Variants in SPATA31D1 observed in about 807,000 individuals in gnomAD.
The protein encoded by SPATA31D1 is SPATA31 subfamily D member 1, also known as spermatogenesis-associated protein 31D1.
Under a neutral mutation model 13.2 loss-of-function variants are expected in SPATA31D1, and 6 were observed. The observed-to-expected ratio is 0.46, with a 90% confidence interval of 0.25 to 0.90. The LOEUF (loss-of-function observed/expected upper bound fraction) is 0.90. SPATA31D1 is among the 40% of genes least tolerant of loss of function. The pLI, the probability that SPATA31D1 is intolerant of heterozygous loss-of-function variation, is 0.18. For synonymous variants in SPATA31D1, 903 were observed against 718.8 expected (o/e 1.26, Z -4.10); for missense variants, 2,445 against 1,884.7 (o/e 1.30, Z -5.50).
intron 2 of SPATA31D1, 32 bp downstream of exon 2, chr9:81,989,855 G>C: frequency 6.2e-7 from 1 of 1,609,862 alleles, no homozygotes. Flanking sequence ...TGAGCTTCAG[G>C]GGTGACCCTT....
intron 2 of SPATA31D1, chr9:81,990,149 C>T: frequency 1.9e-6 from 1 of 523,838 alleles, no homozygotes; most frequent in East Asian, 3.0e-5. Context: ...ACTTTGACTT[C>T]CTCAATGCTC....
Position 81,992,502 on chromosome 9 carries a change from C to G in SPATA31D1, c.2032C>G (p.Pro678Ala), listed in dbSNP as rs1824994790. 2.5e-6 allele frequency: 4 copies of G among 1,611,882 alleles called. No homozygotes were observed. The highest frequency in any genetic ancestry group is 8.5e-7 in the Non-Finnish European group (1 of 1,179,734). ...GATCTCCATCATTCCTGGAGATTTTCCACTCAGCTCTGAGGTAAGGAAGAA... is the reference window on the plus strand; with the variant it reads ...GATCTCCATCATTCCTGGAGATTTTGCACTCAGCTCTGAGGTAAGGAAGAA... ...VPISIIPGDFPLSSEVRKKLE... is the reference protein window; with the variant it reads ...VPISIIPGDFALSSEVRKKLE... The change falls in exon 4 of 4, where the codon CCA becomes GCA. Residue 678 changes from proline (P) to alanine (A), a missense_variant. Pro to Ala is a conservative substitution (Grantham distance 27). Transcript: ENST00000344803.
At chr9:81,987,849 A>C (rs1824882901), upstream of SPATA31D1, among the ~76,000 whole-genome samples, 1 of 152,202 alleles carries the variant, frequency 6.6e-6, no homozygotes, top group East Asian at 1.9e-4. Context: ...CTGAGATTAA[A>C]AAACTGGCTA....
chr9:81,988,333 TA>T (rs1175987068), upstream of SPATA31D1, among the ~76,000 whole-genome samples: 2 of 152,208 alleles, frequency 1.3e-5, no homozygotes, highest in East Asian at 3.9e-4. Flanking sequence ...AAAGGAAATT[TA>T]AGTTTTATAT....
In SPATA31D1 at chr9:81,992,591, T is replaced by C. The variant is rs1482310127; in HGVS notation, c.2121T>C (p.His707=). ...GATGGGGCCTGCCCCGCAGAATCCA[T>C]GAGTCTCTGTCATTGCTACGTCCTC... ...QRRWGLPRRI[H]ESLSLLRPQS... The change falls in exon 4 of 4, where the codon CAT becomes CAC. Residue 707 remains histidine, a synonymous_variant. Transcript: ENST00000344803. 6.2e-7 allele frequency: 1 copy of C among 1,612,558 alleles called. No individual in the cohort carries two copies. The highest frequency in any genetic ancestry group is 8.5e-7 in the Non-Finnish European group (1 of 1,179,734).
chr9:81,993,992 G>A lies in SPATA31D1; in HGVS notation c.3522G>A (p.Val1174=). 6.2e-7 allele frequency: 1 copy of A among 1,613,752 alleles called. No individual in the cohort carries two copies. The change falls in exon 4 of 4, where the codon GTG becomes GTA. Residue 1174 remains valine, a synonymous_variant. Coordinates refer to ENST00000344803, the MANE Select transcript of SPATA31D1 (RefSeq NM_001001670.3). ...CAGGAAGCTGCTCACTGACAAATGT[G>A]AAAGCAAGCACTTCCAATGAAACTG... ...SKSGSCSLTN[V]KASTSNETEI... is the part of the protein sequence containing the mutation.
At position 81,993,395 on chromosome 9, in the gene SPATA31D1, A is replaced by G. The variant is rs761196438; in HGVS notation, c.2925A>G (p.Gly975=). The G allele has an allele frequency of 1.1e-5, 17 of 1,613,854 alleles. No homozygotes were observed. The East Asian group carries it at 3.8e-4, about 36-fold the overall frequency. ...SRSTFQGEKL[G]TTSSVPILDR... ...GCACTTTTCAAGGAGAAAAGTTGGGAACAACAAGCTCAGTCCCCATCCTTG... is the reference window on the plus strand; with the variant it reads ...GCACTTTTCAAGGAGAAAAGTTGGGGACAACAAGCTCAGTCCCCATCCTTG... Residue 975 remains glycine, a synonymous_variant, in exon 4 of 4, where the codon GGA becomes GGG. Coordinates refer to ENST00000344803, the MANE Select transcript of SPATA31D1 (RefSeq NM_001001670.3).
chr9:81,994,678 A>C lies in SPATA31D1; in HGVS notation c.4208A>C (p.Gln1403Pro). ...GCCTTTACTGGGACTACTGAAGCTC[A>C]GAAAATTAGGAAAGACACTAGGGAG... ...RAAFTGTTEAQKIRKDTREFL... is the reference protein window; with the variant it reads ...RAAFTGTTEAPKIRKDTREFL... The change falls in exon 4 of 4, where the codon CAG becomes CCG. Residue 1403 changes from glutamine (Q) to proline (P), a missense_variant. Transcript: ENST00000344803. The C allele has an allele frequency of 6.2e-7, 1 of 1,613,688 alleles. No homozygotes were observed. The highest frequency in any genetic ancestry group is 8.5e-7 in the Non-Finnish European group (1 of 1,179,734).
chr9:81,993,527 C>T lies in SPATA31D1; in HGVS notation c.3057C>T (p.Asp1019=), dbSNP rs540813666. Residue 1019 remains aspartate (D), a synonymous_variant, in exon 4 of 4, where the codon GAC becomes GAT. Transcript: ENST00000344803. ...ACCTTATAGAGACAGATTCCAAAGA[C>T]GGGGCCTCCACATCCCTTAGAAGAG... The part of the protein sequence containing the change: ...DHDLIETDSK[D]GASTSLRRGT... 8.0e-5 allele frequency: 129 copies of T among 1,613,566 alleles called. No individual in the cohort carries two copies. Among genetic ancestry groups the T allele is most frequent in the Admixed American group, 4.7e-4 (28 of 59,992 alleles).
Position 81,991,830 on chromosome 9 carries a change from A to T in SPATA31D1, c.1360A>T (p.Met454Leu). 2 of 1,613,836 alleles carry T rather than the reference A, an allele frequency of 1.2e-6. No homozygotes were observed. Among genetic ancestry groups the T allele is most frequent in the Non-Finnish European group, 1.7e-6 (2 of 1,179,730 alleles). ...CTACCAACTAAATTCCTCACGGAAT[A>T]TGTTAACCTCAATTGCTGTTAAGCA... ...PNYQLNSSRN[M>L]LTSIAVKHDL... Residue 454 changes from methionine to leucine, a missense_variant, in exon 4 of 4, where the codon ATG becomes TTG. Transcript: ENST00000344803.
chr9:81,993,794 C>A lies in SPATA31D1; in HGVS notation c.3324C>A (p.Ala1108=), dbSNP rs766333091. ...DEVSQKQTVL[A]SRCSAELPIM... ...TCAGTCAGAAACAGACTGTACTGGC[C>A]AGTAGATGCAGCGCAGAGCTGCCCA... is the stretch of plus-strand genomic sequence containing the variant. Residue 1108 remains alanine, a synonymous_variant, in exon 4 of 4, where the codon GCC becomes GCA. Coordinates refer to ENST00000344803, the MANE Select transcript of SPATA31D1 (RefSeq NM_001001670.3). 1 of 1,613,978 alleles carries A rather than the reference C, an allele frequency of 6.2e-7. No individual in the cohort carries two copies. The highest frequency in any genetic ancestry group is 8.5e-7 in the Non-Finnish European group (1 of 1,179,896).
At position 81,994,091 on chromosome 9, in the gene SPATA31D1, G is replaced by C; in HGVS notation, c.3621G>C (p.Gln1207His). The C allele has an allele frequency of 6.2e-7, 1 of 1,613,914 alleles. No homozygotes were observed. Among genetic ancestry groups the C allele is most frequent in the South Asian group, 1.1e-5 (1 of 91,072 alleles). Reference protein sequence around the residue: ...SSYLKNQMLSQLKLVQRKHSQ... With the variant: ...SSYLKNQMLSHLKLVQRKHSQ... ...ACCTTAAAAATCAGATGTTGAGCCAGTTAAAGTTGGTCCAGAGGAAGCATA... is the reference window on the plus strand; with the variant it reads ...ACCTTAAAAATCAGATGTTGAGCCACTTAAAGTTGGTCCAGAGGAAGCATA... Residue 1207 changes from glutamine (Q) to histidine (H), a missense_variant, in exon 4 of 4, where the codon CAG becomes CAC. By Grantham distance (24) the Gln-to-His change is conservative (BLOSUM62 0). Coordinates refer to ENST00000344803, the MANE Select transcript of SPATA31D1 (RefSeq NM_001001670.3).
Position 81,992,896 on chromosome 9 carries a change from T to A in SPATA31D1, c.2426T>A (p.Met809Lys). Residue 809 changes from methionine (M) to lysine (K), a missense_variant, in exon 4 of 4, where the codon ATG (methionine) becomes AAG (lysine). Coordinates refer to ENST00000344803, the MANE Select transcript of SPATA31D1 (RefSeq NM_001001670.3). ...SNSERDLETHMMHLSGNDSGV... is the reference protein window; with the variant it reads ...SNSERDLETHKMHLSGNDSGV... ...TCTGAGAGAGACCTAGAAACTCATATGATGCATCTGTCAGGGAATGACTCA... is the reference window on the plus strand; with the variant it reads ...TCTGAGAGAGACCTAGAAACTCATAAGATGCATCTGTCAGGGAATGACTCA... 2 of 1,613,800 alleles carry A rather than the reference T, an allele frequency of 1.2e-6. No individual in the cohort carries two copies. The highest frequency in any genetic ancestry group is 1.7e-6 in the Non-Finnish European group (2 of 1,179,716).
At chr9:81,988,740 G>A, upstream of SPATA31D1, 1 of 1,604,698 alleles carries the variant, frequency 6.2e-7, no homozygotes, top group Non-Finnish European at 8.5e-7. Context: ...TCCATGCTCT[G>A]TGATGCAGGC....
At position 81,993,364 on chromosome 9, in the gene SPATA31D1, G is replaced by C. The variant is rs777944881; in HGVS notation, c.2894G>C (p.Ser965Thr). The C allele has an allele frequency of 6.2e-7, 1 of 1,613,936 alleles. No individual in the cohort carries two copies. The highest frequency in any genetic ancestry group is 1.1e-5 in the South Asian group (1 of 91,080). Residue 965 changes from serine (S) to threonine (T), a missense_variant, in exon 4 of 4, where the codon AGT (serine) becomes ACT (threonine). By Grantham distance (58) the Ser-to-Thr change is moderately conservative. Transcript: ENST00000344803. ...AAAGATGGGGTCTCTAAGTCCCGTA[G>C]TCGAAGCACTTTTCAAGGAGAAAAG... ...DSKDGVSKSR[S>T]RSTFQGEKLG...
chr9:81,992,124 C>T lies in SPATA31D1; in HGVS notation c.1654C>T (p.Pro552Ser), dbSNP rs886288114. The T allele has an allele frequency of 3.1e-6, 5 of 1,613,734 alleles. No individual in the cohort carries two copies. Among genetic ancestry groups the T allele is most frequent in the Non-Finnish European group, 4.2e-6 (5 of 1,179,716 alleles). ...ATCCCCAGTACTTCCCCCTCCCCAACCTCTGTCCTTGCCTAGTACCCAACC... is the reference window on the plus strand; with the variant it reads ...ATCCCCAGTACTTCCCCCTCCCCAATCTCTGTCCTTGCCTAGTACCCAACC... ...HESPVLPPPQ[P>S]LSLPSTQPLP... The change falls in exon 4 of 4, where the codon CCT (proline) becomes TCT (serine). Residue 552 changes from proline to serine, a missense_variant. Coordinates refer to ENST00000344803, the MANE Select transcript of SPATA31D1 (RefSeq NM_001001670.3).
Position 81,992,433 on chromosome 9 carries a change from C to A in SPATA31D1, c.1963C>A (p.Pro655Thr), listed in dbSNP as rs142037367. Reference protein sequence around the residue: ...KSQEDFCPPAPNPELVRKSFK... With the variant: ...KSQEDFCPPATNPELVRKSFK... ...CCAGGAAGACTTTTGTCCTCCAGCT[C>A]CCAATCCTGAATTGGTCAGAAAGTC... The change falls in exon 4 of 4, where the codon CCC (proline) becomes ACC (threonine). Residue 655 changes from proline to threonine, a missense_variant. By Grantham distance (38) the Pro-to-Thr change is conservative. Coordinates refer to ENST00000344803, the MANE Select transcript of SPATA31D1 (RefSeq NM_001001670.3). The A allele has an allele frequency of 3.4e-3, 5,422 of 1,612,902 alleles. 16 individuals carry two copies. Among genetic ancestry groups the A allele is most frequent in the Non-Finnish European group, 4.2e-3 (4,936 of 1,179,720 alleles).
At position 81,992,470 on chromosome 9, in the gene SPATA31D1, A is replaced by C; in HGVS notation, c.2000A>C (p.His667Pro). 6.2e-7 allele frequency: 1 copy of C among 1,612,146 alleles called. No individual in the cohort carries two copies. Among genetic ancestry groups the C allele is most frequent in the South Asian group, 1.1e-5 (1 of 91,004 alleles). Residue 667 changes from histidine to proline, a missense_variant, in exon 4 of 4, where the codon CAT (histidine) becomes CCT (proline). By Grantham distance (77) the His-to-Pro change is moderately conservative (BLOSUM62 -2). Transcript: ENST00000344803. ...PELVRKSFKV[H>P]VPISIIPGDF... Reference sequence around the variant, plus strand: ...TTGGTCAGAAAGTCCTTCAAGGTCCATGTTCCGATCTCCATCATTCCTGGA... The same window carrying C: ...TTGGTCAGAAAGTCCTTCAAGGTCCCTGTTCCGATCTCCATCATTCCTGGA...
rs1587529801 is a variant in SPATA31D1, at chr9:81,992,139, A to G, written c.1669A>G (p.Ser557Gly). The change falls in exon 4 of 4, where the codon AGT (serine) becomes GGT (glycine). Residue 557 changes from serine to glycine, a missense_variant. By Grantham distance (56) the Ser-to-Gly change is moderately conservative. Transcript: ENST00000344803. ...LPPPQPLSLP[S>G]TQPLPLPQTL... ...CCCTCCCCAACCTCTGTCCTTGCCT[A>G]GTACCCAACCACTACCCTTGCCTCA... The G allele has an allele frequency of 6.2e-7, 1 of 1,613,670 alleles. No homozygotes were observed. The highest frequency in any genetic ancestry group is 2.2e-5 in the East Asian group (1 of 44,850).
Sources: gnomAD v4.1 joint callset for allele counts (sites outside exome capture counted in the v4.1 genomes callset) on GRCh38, gnomAD v4.1.1 for gene constraint, MANE v1.5 for transcripts, NCBI Gene and HGNC (gene_info 2026-07-23, HGNC 2026-07-21) for gene names.